Variants in ARHGAP5 observed in about 807,000 individuals in gnomAD.
ARHGAP5 encodes Rho GTPase activating protein 5.
ARHGAP5 carries 23 observed loss-of-function variants against 116.6 expected under a neutral mutation model. The ratio of observed to expected loss-of-function variants is 0.20; its 90% CI spans 0.14 to 0.28. The LOEUF is 0.28. ARHGAP5 is among the 10% of genes least tolerant of loss of function. The pLI is 1.00. For missense variants in ARHGAP5, 1,405 were observed against 1,774.8 expected, an observed-to-expected ratio of 0.79 and a Z score of 3.74; for synonymous variants, 574 against 602.0, an observed-to-expected ratio of 0.95 and a Z score of 0.68.
rs1881571135 is a variant in ARHGAP5 at position 32,150,027 on chromosome 14, G to A, written c.4069G>A (p.Ala1357Thr). 1.3e-6 allele frequency: 2 copies of A among 1,587,498 alleles called. No homozygotes were observed. Among genetic ancestry groups the A allele is most frequent in the East Asian group, 2.3e-5 (1 of 43,848 alleles). Residue 1357 changes from alanine to threonine, a missense_variant, in exon 5 of 7, where the codon GCA becomes ACA. This residue lies in a region of ARHGAP5 where 176 missense variants were observed against 221.2 expected (regional missense o/e 0.80). Coordinates refer to ENST00000345122, the MANE Select transcript of ARHGAP5 (RefSeq NM_001030055.2). Reference sequence around the variant, plus strand: ...TTCTCTTCATCCAGAACTATTGGAAGCAGCAAGTAAGTATAAACCTCCTTT... The same window carrying A: ...TTCTCTTCATCCAGAACTATTGGAAACAGCAAGTAAGTATAAACCTCCTTT... ...PYSLHPELLE[A>T]AKIPDKTERL... is the part of the protein sequence containing the mutation.
intron 3 of ARHGAP5, among the ~76,000 whole-genome samples, chr14:32,131,995 T>G (rs1880526034): frequency 6.6e-6 from 1 of 152,220 alleles, no homozygotes; most frequent in Non-Finnish European, 1.5e-5. Flanking sequence ...TGTTGGACAT[T>G]TAGGTTGGTT....
chr14:32,102,594 A>G (rs761882888), intron 2 of ARHGAP5, among the ~76,000 whole-genome samples: 8 of 152,242 alleles, frequency 5.3e-5, no homozygotes, highest in Non-Finnish European at 1.2e-4. Flanking sequence ...TTATCCTGAG[A>G]GCTCTGAGTG....
intron 3 of ARHGAP5, among the ~76,000 whole-genome samples, chr14:32,124,303 A>G (rs1200731043): frequency 6.6e-6 from 1 of 151,966 alleles, no homozygotes; most frequent in African/African-American, 2.4e-5. Flanking sequence ...GTTTCATATA[A>G]TTTTTCGAGT....
In ARHGAP5 at chr14:32,090,909, A is replaced by C; in HGVS notation, c.240A>C (p.Gln80His). The C allele has an allele frequency of 6.2e-7, 1 of 1,613,688 alleles. No homozygotes were observed. The highest frequency in any genetic ancestry group is 8.5e-7 in the Non-Finnish European group (1 of 1,179,644). Residue 80 changes from glutamine (Q) to histidine (H), a missense_variant, in exon 2 of 7, where the codon CAA (glutamine) becomes CAC (histidine). Around this residue, in one of 6 missense-constraint regions of ARHGAP5, gnomAD observed 190 missense variants for 314.9 expected, o/e 0.60. Coordinates refer to ENST00000345122, the MANE Select transcript of ARHGAP5 (RefSeq NM_001030055.2). ...TTTTGTACTGGGGTGACATAATACA[A>C]AATAGTGAAGATGGAGTAGAATGCA... ...DHFLYWGDII[Q>H]NSEDGVECKI...
chr14:32,150,716 A>G (rs1881602346), intron 5 of ARHGAP5, among the ~76,000 whole-genome samples: 1 of 152,190 alleles, frequency 6.6e-6, no homozygotes, highest in Non-Finnish European at 1.5e-5. Context: ...ACCTCTCAAC[A>G]CTGTTGCCTT....
chr14:32,095,363 G>A (rs1216658171), intron 2 of ARHGAP5, among the ~76,000 whole-genome samples: 1 of 140,018 alleles, frequency 7.1e-6, no homozygotes, highest in Non-Finnish European at 1.6e-5. Flanking sequence ...ACCTTTTTTT[G>A]TCGTTAGCAA....
At chr14:32,110,934 A>G (rs1879260941) in intron 2 of ARHGAP5, among the ~76,000 whole-genome samples, 1 of 152,242 alleles carries the variant, frequency 6.6e-6, no homozygotes, top group Admixed American at 6.5e-5. Context: ...AGAAGGCTGC[A>G]GATAGATTAC....
chr14:32,135,008 C>T (rs1328722308), intron 3 of ARHGAP5, among the ~76,000 whole-genome samples: 2 of 152,082 alleles, frequency 1.3e-5, no homozygotes, highest in Admixed American at 1.3e-4. Context: ...TCTTTTTCAC[C>T]CATTGTGCCC....
intron 3 of ARHGAP5, among the ~76,000 whole-genome samples, chr14:32,129,239 A>G (rs1880351285): frequency 6.6e-6 from 1 of 152,148 alleles, no homozygotes. Flanking sequence ...TTTGTGACAT[A>G]TTATTGGCTA....
chr14:32,098,401 G>A (rs1017889123), intron 2 of ARHGAP5, among the ~76,000 whole-genome samples: 5 of 152,168 alleles, frequency 3.3e-5, no homozygotes, highest in Non-Finnish European at 7.3e-5. Context: ...GGTGAGGAAA[G>A]GCCTTCTTGA....
chr14:32,135,260 T>C (rs1163290367), intron 3 of ARHGAP5, among the ~76,000 whole-genome samples: 3 of 152,214 alleles, frequency 2.0e-5, no homozygotes, highest in African/African-American at 7.2e-5. Context: ...CAGCAAACAC[T>C]AATGCAAAAA....
chr14:32,126,222 G>GT (rs35105871), intron 3 of ARHGAP5, among the ~76,000 whole-genome samples: 34,870 of 151,510 alleles, frequency 0.23, 4,430 homozygotes, highest in African/African-American at 0.34. Context: ...TCAGCTGTGG[G>GT]TTTTTTTTGT....
In ARHGAP5 at chr14:32,092,088, G is replaced by C. The variant is rs748982778; in HGVS notation, c.1419G>C (p.Glu473Asp). ...YKYITEADSK[E>D]VYGRHQREIV... ...ATATCACTGAGGCTGATAGCAAAGA[G>C]GTATATGGTAGGCATCAGCGAGAAA... is the stretch of plus-strand genomic sequence containing the variant. Residue 473 changes from glutamate to aspartate, a missense_variant, in exon 2 of 7, where the codon GAG becomes GAC. Physicochemically the swap from Glu to Asp is conservative, Grantham distance 45. Coordinates refer to ENST00000345122, the MANE Select transcript of ARHGAP5 (RefSeq NM_001030055.2). The surrounding 1 kb of genome is among the most constrained non-coding windows in gnomAD (Gnocchi z 4.1). 1.2e-6 allele frequency: 2 copies of C among 1,613,854 alleles called. No individual in the cohort carries two copies. Among genetic ancestry groups the C allele is most frequent in the Admixed American group, 1.7e-5 (1 of 60,014 alleles).
At chr14:32,094,822 G>C (rs568515742) in intron 2 of ARHGAP5, among the ~76,000 whole-genome samples, 1 of 152,192 alleles carries the variant, frequency 6.6e-6, no homozygotes, top group Non-Finnish European at 1.5e-5. Flanking sequence ...TTTCCAGGAA[G>C]CTTCTTTGCA....
intron 2 of ARHGAP5, among the ~76,000 whole-genome samples, chr14:32,111,839 A>ATTTTTTTTT (rs34512246): frequency 2.1e-5 from 2 of 93,176 alleles, no homozygotes; most frequent in African/African-American, 4.2e-5. Flanking sequence ...TTCTTCTTTG[A>ATTTTTTTTT]TTTTTTTTTT....
intron 2 of ARHGAP5, 22 bp downstream of exon 2, chr14:32,094,408 T>A (rs369281129): frequency 1.4e-5 from 21 of 1,511,284 alleles, no homozygotes; most frequent in Non-Finnish European, 1.5e-5. Context: ...TTAAGGTCAG[T>A]GATGTTTATA....
intron 3 of ARHGAP5, among the ~76,000 whole-genome samples, chr14:32,137,788 A>G (rs1043179938): frequency 1.3e-5 from 2 of 152,084 alleles, no homozygotes; most frequent in East Asian, 3.9e-4. Context: ...CCTGGCCAAC[A>G]TGATGAAACC....
intron 1 of ARHGAP5, among the ~76,000 whole-genome samples, chr14:32,088,119 G>A (rs549309981): frequency 6.6e-6 from 1 of 152,054 alleles, no homozygotes; most frequent in East Asian, 1.9e-4. Context: ...GAGTCTTAAT[G>A]AGTAATAGTA....
Position 32,155,789 on chromosome 14 carries a change from G to A in ARHGAP5, c.*841G>A, listed in dbSNP as rs890106513. 1 of 152,448 alleles carries A rather than the reference G, an allele frequency of 6.6e-6. No individual in the cohort carries two copies. Among genetic ancestry groups the A allele is most frequent in the African/African-American group, 2.4e-5 (1 of 41,416 alleles). The allele number at this position is 152,448 out of a possible 1,614,324, so 9.4% of individuals were successfully genotyped here. A position where few individuals can be genotyped will look rare whatever the true frequency, so the allele number is the denominator to read the frequency against. Reference sequence around the variant, plus strand: ...ATATTTTAATTTTTTCCCTCTTGGGGAACACATTTAGTATAGTGTAGAAAA... The same window carrying A: ...ATATTTTAATTTTTTCCCTCTTGGGAAACACATTTAGTATAGTGTAGAAAA... On this transcript the variant is annotated 3_prime_UTR_variant, in exon 7 of 7. Transcript: ENST00000345122.
Sources: allele counts gnomAD v4.1 joint callset (sites outside exome capture counted in the v4.1 genomes callset), GRCh38; gene constraint gnomAD v4.1.1; regional missense constraint gnomAD v4.1.1; non-coding constraint Gnocchi (gnomAD v3.1); transcripts MANE v1.5; gene names NCBI Gene and HGNC (gene_info 2026-07-23, HGNC 2026-07-21).